Variants in ARHGAP9 observed in about 807,000 individuals in gnomAD.
ARHGAP9 encodes rho GTPase-activating protein 9.
A neutral mutation model predicts 87.3 loss-of-function variants in ARHGAP9; 76 were observed. The ratio of observed to expected loss-of-function variants is 0.87; its 90% CI spans 0.72 to 1.05. The LOEUF (loss-of-function observed/expected upper bound fraction) is 1.05. Ranked by LOEUF, ARHGAP9 falls within the 50% of genes least tolerant of loss-of-function variation. ARHGAP9 has a pLI of 0.00. For missense variants in ARHGAP9, 941 were observed against 960.5 expected, an observed-to-expected ratio of 0.98 and a Z score of 0.27; for synonymous variants, 382 against 394.9, an observed-to-expected ratio of 0.97 and a Z score of 0.39.
Position 57,479,803 on chromosome 12 carries a change from A to G in ARHGAP9, c.-92T>C, listed in dbSNP as rs1330764097. The G allele has an allele frequency of 3.9e-6, 6 of 1,539,424 alleles. No homozygotes were observed. The highest frequency in any genetic ancestry group is 3.5e-6 in the Non-Finnish European group (4 of 1,141,556). On this transcript the variant is annotated 5_prime_UTR_variant, in exon 1 of 18. Coordinates refer to ENST00000393791, the MANE Select transcript of ARHGAP9 (RefSeq NM_032496.4). Reference sequence around the variant, plus strand: ...GTGGTGGGAGTCTTGAGGTGGACACAGGAAGGAGATAAGAAGAAAGAATCA... The same window carrying G: ...GTGGTGGGAGTCTTGAGGTGGACACGGGAAGGAGATAAGAAGAAAGAATCA...
chr12:57,487,850 C>CAA (rs10715375), intron 1 of ARHGAP9: 2,915 of 178,190 alleles, frequency 0.016, 5 homozygotes, highest in African/African-American at 0.021. Context: ...CGCCCTCTCA[C>CAA]AAAAAAAAAA....
chr12:57,485,167 G>A (rs1169816792), intron 1 of ARHGAP9, among the ~76,000 whole-genome samples: 1 of 151,318 alleles, frequency 6.6e-6, no homozygotes, highest in Admixed American at 6.6e-5. Context: ...GGTTGGTTTC[G>A]AACTCCTGAC....
At chr12:57,475,755 C>T (rs749317748) in intron 10 of ARHGAP9, 78 bp downstream of exon 10, 1 of 1,567,010 alleles carries the variant, frequency 6.4e-7, no homozygotes, top group South Asian at 1.2e-5. Context: ...CCCAACTGCT[C>T]CTGACTCCTA....
At chr12:57,473,806 A>T in intron 16 of ARHGAP9, 98 bp from the exon 17 acceptor site, 9 of 1,238,878 alleles carry the variant, frequency 7.3e-6, no homozygotes, top group Non-Finnish European at 1.0e-5. Context: ...CATGGAAGAC[A>T]TCATTAATCT....
chr12:57,476,859 T>C lies in ARHGAP9; in HGVS notation c.963+12A>G, dbSNP rs1454607019. 6.2e-7 allele frequency: 1 copy of C among 1,610,438 alleles called. No individual in the cohort carries two copies. Among genetic ancestry groups the C allele is most frequent in the Non-Finnish European group, 8.5e-7 (1 of 1,177,668 alleles). ...GAGGATCTTGGCCTTCACAAAGAAA[T>C]GGGAGATTCACATGGGGGTCGTCCA... On this transcript the variant is annotated intron_variant, in intron 6 of 17. Coordinates refer to ENST00000393791, the MANE Select transcript of ARHGAP9 (RefSeq NM_032496.4).
chr12:57,475,545 T>G lies in ARHGAP9; in HGVS notation c.1382A>C (p.Glu461Ala), dbSNP rs1387423345. Reference sequence around the variant, plus strand: ...GGACACCAGCTCCGACTCCTCTTCTTCGTCCTCCCCGGCGCTCAGCTCCGC... The same window carrying G: ...GGACACCAGCTCCGACTCCTCTTCTGCGTCCTCCCCGGCGCTCAGCTCCGC... ...GPAELSAGED[E>A]EEESELVSKP... The change falls in exon 11 of 18, where the codon GAA (glutamate) becomes GCA (alanine). Residue 461 changes from glutamate to alanine, a missense_variant. Coordinates refer to ENST00000393791, the MANE Select transcript of ARHGAP9 (RefSeq NM_032496.4). 1 of 1,608,440 alleles carries G rather than the reference T, an allele frequency of 6.2e-7. No individual in the cohort carries two copies. The highest frequency in any genetic ancestry group is 8.5e-7 in the Non-Finnish European group (1 of 1,178,026).
At chr12:57,473,797 A>G in intron 16 of ARHGAP9, 89 bp from the exon 17 acceptor site, 3 of 1,274,684 alleles carry the variant, frequency 2.4e-6, no homozygotes, top group Non-Finnish European at 3.4e-6. Context: ...TCCCACAGGC[A>G]TGGAAGACAT....
rs1334617091 is a variant in ARHGAP9, at chr12:57,475,522, A to G, written c.1405T>C (p.Ser469Pro). 4 of 1,604,104 alleles carry G rather than the reference A, an allele frequency of 2.5e-6. No individual in the cohort carries two copies. In the African/African-American group the frequency reaches 4.0e-5, roughly 16 times the overall value. The change falls in exon 11 of 18, where the codon TCC becomes CCC. Residue 469 changes from serine (S) to proline (P), a missense_variant. Coordinates refer to ENST00000393791, the MANE Select transcript of ARHGAP9 (RefSeq NM_032496.4). ...EDEEEESELV[S>P]KPLLRLSSRR... The stretch of plus-strand genomic sequence containing the variant: ...CTGCTGAGGCGCAGCAGCGGCTTGG[A>G]CACCAGCTCCGACTCCTCTTCTTCG...
chr12:57,476,176 A>G lies in ARHGAP9; in HGVS notation c.1117-10T>C, dbSNP rs368243785. ...GGCTACCCGCTGGTCCCTGACAATG[A>G]GGGAGGAAACTGAGGCCACGGTGTT... On this transcript the variant is annotated splice_polypyrimidine_tract_variant and intron_variant, in intron 8 of 17. Coordinates refer to ENST00000393791, the MANE Select transcript of ARHGAP9 (RefSeq NM_032496.4). 9 of 1,535,182 alleles carry G rather than the reference A, an allele frequency of 5.9e-6. No homozygotes were observed. The African/African-American group carries it at 1.2e-4, about 21-fold the overall frequency.
At position 57,486,274 on chromosome 12, in the gene ARHGAP9, A is replaced by AT. The variant is rs560380333; in HGVS notation, c.-203-2312dup. Among the ~76,000 whole-genome samples, 900 of 145,846 alleles carry AT rather than the reference A, an allele frequency of 6.2e-3. 15 individuals carry two copies. In the East Asian group the frequency reaches 0.062, roughly 10 times the overall value. The stretch of plus-strand genomic sequence containing the variant: ...AAACTCTTAGCCATCTTGAATCTCA[A>AT]TTTTTTTTTTTTTGAGACGAAGTCT... On this transcript the variant is annotated intron_variant, in intron 1 of 20. Coordinates refer to the ARHGAP9 transcript ENST00000393797.
chr12:57,487,147 T>C (rs1875482284), intron 1 of ARHGAP9: 1 of 151,750 alleles, frequency 6.6e-6, no homozygotes, highest in South Asian at 2.1e-4. Context: ...CCAGCTAATT[T>C]TGTATTTTTA....
chr12:57,475,985 G>T, intron 9 of ARHGAP9, 54 bp from the exon 10 acceptor site: 4 of 1,555,336 alleles, frequency 2.6e-6, no homozygotes, highest in Non-Finnish European at 3.5e-6. Context: ...ATAATAAGCA[G>T]GGAGACCTAG....
At position 57,479,358 on chromosome 12, in the gene ARHGAP9, C is replaced by T; in HGVS notation, c.49G>A (p.Gly17Ser). 3 of 1,614,044 alleles carry T rather than the reference C, an allele frequency of 1.9e-6. No homozygotes were observed. The highest frequency in any genetic ancestry group is 2.2e-5 in the South Asian group (2 of 91,076). ...WPSSWGILGL[G>S]PRSPPRGSQL... ...GATCCCCGAGGAGGGCTTCGGGGGC[C>T]CAGCCCTAGGATCCCCCAGGAACTT... is the stretch of plus-strand genomic sequence containing the variant. Residue 17 changes from glycine to serine, a missense_variant, in exon 2 of 18, where the codon GGC becomes AGC. Gly to Ser is a moderately conservative substitution (Grantham distance 56). Transcript: ENST00000393791.
upstream of ARHGAP9, chr12:57,480,081 C>A (rs1874857420): frequency 1.0e-6 from 1 of 985,390 alleles, no homozygotes; most frequent in Admixed American, 6.1e-5. Flanking sequence ...TATCACCACC[C>A]TCCCAATCCA....
At chr12:57,478,951 G>C (rs1482910885) in intron 2 of ARHGAP9, 140 bp downstream of exon 2, 1 of 1,235,644 alleles carries the variant, frequency 8.1e-7, no homozygotes, top group Non-Finnish European at 1.1e-6. Context: ...GCAAGAGGTA[G>C]GCTGATCAAA....
In ARHGAP9 at chr12:57,476,403, G is replaced by A. The variant is rs1358947946; in HGVS notation, c.1077C>T (p.Phe359=). Residue 359 remains phenylalanine (F), a synonymous_variant, in exon 8 of 18, where the codon TTC becomes TTT. Coordinates refer to ENST00000393791, the MANE Select transcript of ARHGAP9 (RefSeq NM_032496.4). The part of the protein sequence containing the change: ...WVVLTGNSLV[F]YREPPPTAPS... ...GCGCTGTCGGCGGTGGCTCTCGGTA[G>A]AACACCAGGCTGTTACCCGTTAACA... The A allele has an allele frequency of 2.5e-6, 4 of 1,613,974 alleles. No individual in the cohort carries two copies. Among genetic ancestry groups the A allele is most frequent in the Admixed American group, 3.3e-5 (2 of 60,002 alleles).
chr12:57,475,897 T>C lies in ARHGAP9; in HGVS notation c.1247A>G (p.Gln416Arg). 1 of 1,613,824 alleles carries C rather than the reference T, an allele frequency of 6.2e-7. No individual in the cohort carries two copies. Among genetic ancestry groups the C allele is most frequent in the Non-Finnish European group, 8.5e-7 (1 of 1,179,886 alleles). Residue 416 changes from glutamine (Q) to arginine (R), a missense_variant, in exon 10 of 18, where the codon CAG (glutamine) becomes CGG (arginine). By Grantham distance (43) the Gln-to-Arg change is conservative. Transcript: ENST00000393791. ...TCGCAGCTCTGTCTCGTGGTCCGACTGCAGCAGGAACTCGTGGCCAGGGAT... is the reference window on the plus strand; with the variant it reads ...TCGCAGCTCTGTCTCGTGGTCCGACCGCAGCAGGAACTCGTGGCCAGGGAT... ...RTIPGHEFLLQSDHETELRAW... is the reference protein window; with the variant it reads ...RTIPGHEFLLRSDHETELRAW...
upstream of ARHGAP9, among the ~76,000 whole-genome samples, chr12:57,482,735 A>G (rs1414253569): frequency 6.6e-6 from 1 of 152,240 alleles, no homozygotes; most frequent in East Asian, 1.9e-4. Context: ...TTTAATAAAT[A>G]TTTATTGAAT....
chr12:57,488,445 G>A, intron 1 of ARHGAP9: 7 of 940,066 alleles, frequency 7.4e-6, no homozygotes, highest in Non-Finnish European at 1.1e-5. Context: ...CCCGGTCCCC[G>A]CCTCACCCCA....
Sources: allele counts gnomAD v4.1 joint callset (sites outside exome capture counted in the v4.1 genomes callset), GRCh38; gene constraint gnomAD v4.1.1; transcripts MANE v1.5; gene names NCBI Gene and HGNC (gene_info 2026-07-23, HGNC 2026-07-21).